The following SESTD1 variants were observed in gnomAD, a reference collection of about 807,000 sequenced individuals.
The protein encoded by SESTD1 is SEC14 domain and spectrin repeat-containing protein 1.
A neutral mutation model predicts 101.7 loss-of-function variants in SESTD1; 43 were observed. That is an observed-to-expected ratio of 0.42 (90% confidence interval 0.33 to 0.55). The LOEUF is 0.55. Ranked by LOEUF, SESTD1 falls within the 20% of genes least tolerant of loss-of-function variation. The pLI is 0.07. For missense variants in SESTD1, 647 were observed against 815.1 expected (o/e 0.79, Z 2.51); for synonymous variants, 283 against 286.8 (o/e 0.99, Z 0.13).
chr2:179,262,054 T>C (rs191278385), intron 1 of SESTD1, among the ~76,000 whole-genome samples: 246 of 152,268 alleles, frequency 1.6e-3, no homozygotes, highest in African/African-American at 5.5e-3. Context: ...GAATGAAATA[T>C]TGATACATGG....
intron 1 of SESTD1, among the ~76,000 whole-genome samples, chr2:179,196,290 T>A (rs1417029700): frequency 6.6e-6 from 1 of 152,182 alleles, no homozygotes; most frequent in Non-Finnish European, 1.5e-5. Context: ...ATCCCGCACC[T>A]GGCTCGGAGG....
chr2:179,138,498 G>A (rs1395531915), intron 9 of SESTD1, among the ~76,000 whole-genome samples: 2 of 152,046 alleles, frequency 1.3e-5, no homozygotes, highest in Non-Finnish European at 2.9e-5. Flanking sequence ...AATCAAAATG[G>A]AGTCACTAAT....
chr2:179,178,867 T>C (rs188441438), intron 3 of SESTD1, among the ~76,000 whole-genome samples: 1 of 152,340 alleles, frequency 6.6e-6, no homozygotes, highest in Admixed American at 6.5e-5. Context: ...GCAATACATT[T>C]ATATTTCAAA....
chr2:179,118,234 A>G (rs949057320), intron 13 of SESTD1, among the ~76,000 whole-genome samples: 10 of 152,166 alleles, frequency 6.6e-5, no homozygotes, highest in African/African-American at 2.2e-4. Flanking sequence ...ACATTCTTAA[A>G]AACTAGATGG....
At chr2:179,116,608 T>C (rs1325740899) in intron 15 of SESTD1, 60 bp downstream of exon 15, 8 of 1,612,614 alleles carry the variant, frequency 5.0e-6, no homozygotes, top group Non-Finnish European at 6.8e-6. Context: ...TACATTATAA[T>C]CATGCAGAAA....
At chr2:179,215,666 AG>A (rs1317723857) in intron 1 of SESTD1, among the ~76,000 whole-genome samples, 2 of 134,674 alleles carry the variant, frequency 1.5e-5, no homozygotes, top group Admixed American at 1.4e-4. Context: ...CTGATTCCAA[AG>A]CCTGGCAGAG....
chr2:179,258,815 T>C (rs967189495), intron 1 of SESTD1, among the ~76,000 whole-genome samples: 6 of 152,192 alleles, frequency 3.9e-5, no homozygotes, highest in Non-Finnish European at 5.9e-5. Context: ...GATAAGGTGA[T>C]TATGGGAAAA....
rs1398156456 is a variant in SESTD1, at chr2:179,185,578, T to C, written c.56-2390A>G. The stretch of plus-strand genomic sequence containing the variant: ...TATGTTATATATGTATATAATATAC[T>C]ATATTATATATTGTATATTATATAC... On this transcript the variant is annotated intron_variant, in intron 2 of 17. Coordinates refer to ENST00000428443, the MANE Select transcript of SESTD1 (RefSeq NM_178123.5). Among the ~76,000 whole-genome samples, 11 of 131,084 alleles carry C rather than the reference T, an allele frequency of 8.4e-5. No individual in the cohort carries two copies. In the South Asian group the frequency reaches 2.3e-3, roughly 27 times the overall value. 86.0% of individuals were successfully genotyped at this position (131,084 alleles called of 152,430 possible). A position where few individuals can be genotyped will look rare whatever the true frequency, so the allele number is the denominator to read the frequency against.
At chr2:179,172,072 A>C in intron 5 of SESTD1, 48 bp downstream of exon 5, 1 of 1,222,616 alleles carries the variant, frequency 8.2e-7, no homozygotes, top group Non-Finnish European at 1.2e-6. Flanking sequence ...TCAGTAAAAT[A>C]CTATTTTTAA....
intron 9 of SESTD1, among the ~76,000 whole-genome samples, chr2:179,140,324 T>C (rs2045248841): frequency 6.6e-6 from 1 of 152,010 alleles, no homozygotes; most frequent in African/African-American, 2.4e-5. Context: ...TAACCTAAAA[T>C]AAGGTCTTTA....
Position 179,115,360 on chromosome 2 carries a change from G to T in SESTD1, c.1648-104C>A, listed in dbSNP as rs145440854. ...TCGTTACAGTTAAGTGACACTACTA[G>T]AAATCAATACTGAATAAATCTAGTG... is the stretch of plus-strand genomic sequence containing the variant. On this transcript the variant is annotated intron_variant, in intron 15 of 17. Transcript: ENST00000428443. 2.9e-4 allele frequency: 228 copies of T among 779,540 alleles called. 1 individual carries two copies. In the East Asian group the frequency reaches 6.1e-3, roughly 21 times the overall value. 48.3% of individuals were successfully genotyped at this position (779,540 alleles called of 1,614,324 possible). A position where few individuals can be genotyped will look rare whatever the true frequency, so the allele number is the denominator to read the frequency against.
At chr2:179,257,741 G>T (rs1481039460) in intron 1 of SESTD1, among the ~76,000 whole-genome samples, 1 of 152,180 alleles carries the variant, frequency 6.6e-6, no homozygotes, top group Non-Finnish European at 1.5e-5. Context: ...TTACGGTATG[G>T]AGTGGGCCAC....
rs147875550 is a variant in SESTD1, at chr2:179,136,740, CAAA to C, written c.850-4317_850-4315del. ...CTTTGATTTTAGAATAATCTAGAAA[CAAA>C]AGAAGCAGGTTAATATAAATCGTGA... is the stretch of plus-strand genomic sequence containing the variant. On this transcript the variant is annotated intron_variant, in intron 9 of 17. Transcript: ENST00000428443. Among the ~76,000 whole-genome samples, 614 of 152,014 alleles carry C rather than the reference CAAA, an allele frequency of 4.0e-3. 25 individuals carry two copies. In the East Asian group the frequency reaches 0.087, roughly 22 times the overall value.
intron 5 of SESTD1, among the ~76,000 whole-genome samples, chr2:179,164,377 T>C (rs1275541108): frequency 6.6e-6 from 1 of 152,152 alleles, no homozygotes; most frequent in Non-Finnish European, 1.5e-5. Flanking sequence ...TAACATTAAA[T>C]AAACAACACT....
rs568869387 is a variant in SESTD1 at position 179,207,392 on chromosome 2, C to T, written c.-25-15526G>A. Among the ~76,000 whole-genome samples, 5 of 135,466 alleles carry T rather than the reference C, an allele frequency of 3.7e-5. 1 individual carries two copies. The highest frequency in any genetic ancestry group is 8.0e-5 in the Non-Finnish European group (5 of 62,868). 88.9% of individuals were successfully genotyped at this position (135,466 alleles called of 152,430 possible). A position where few individuals can be genotyped will look rare whatever the true frequency, so the allele number is the denominator to read the frequency against. ...GCTAAACCGAGGTCCTGATTCTGTCCACATGACAACTTCACTACCAGCATA... is the reference window on the plus strand; with the variant it reads ...GCTAAACCGAGGTCCTGATTCTGTCTACATGACAACTTCACTACCAGCATA... On this transcript the variant is annotated intron_variant, in intron 1 of 17. Coordinates refer to ENST00000428443, the MANE Select transcript of SESTD1 (RefSeq NM_178123.5).
chr2:179,123,109 C>T (rs895839544), intron 12 of SESTD1, among the ~76,000 whole-genome samples: 2 of 152,142 alleles, frequency 1.3e-5, no homozygotes, highest in Non-Finnish European at 2.9e-5. Context: ...CCCATTGTCA[C>T]ATCCTGACCT....
chr2:179,151,275 A>G lies in SESTD1; in HGVS notation c.483+3T>C. ...ACATTTTATCTCATTGTAATATACC[A>G]ACCAGCCTCTTATTTAACCAGTCCA... On this transcript the variant is annotated splice_donor_region_variant and intron_variant, in intron 6 of 17. Transcript: ENST00000428443. 1 of 1,570,790 alleles carries G rather than the reference A, an allele frequency of 6.4e-7. No homozygotes were observed.
intron 9 of SESTD1, among the ~76,000 whole-genome samples, chr2:179,138,232 C>T (rs546945167): frequency 6.6e-6 from 1 of 152,284 alleles, no homozygotes; most frequent in African/African-American, 2.4e-5. Context: ...TTGAGCTGGT[C>T]TGTCATTTAA....
chr2:179,251,597 G>A (rs2047318054), intron 1 of SESTD1, among the ~76,000 whole-genome samples: 2 of 152,178 alleles, frequency 1.3e-5, no homozygotes, highest in African/African-American at 2.4e-5. Flanking sequence ...CACAAGAGAT[G>A]CACTATAGAC....
Sources: allele counts gnomAD v4.1 joint callset (sites outside exome capture counted in the v4.1 genomes callset), GRCh38; gene constraint gnomAD v4.1.1; transcripts MANE v1.5; gene names NCBI Gene and HGNC (gene_info 2026-07-23, HGNC 2026-07-21).